Variants in FANCB observed in about 807,000 individuals in gnomAD.
FANCB encodes the protein Fanconi anemia group B protein.
In FANCB, 5 loss-of-function variants were observed where a neutral mutation model predicts 38.9. The ratio of observed to expected loss-of-function variants is 0.13; its 90% CI spans 0.07 to 0.27. The LOEUF (loss-of-function observed/expected upper bound fraction) is 0.27, where lower values mean the gene tolerates loss of function less well. Ranked by LOEUF, FANCB falls within the 10% of genes least tolerant of loss-of-function variation. The pLI is 1.00. For missense variants in FANCB, 573 were observed against 602.7 expected (o/e 0.95, Z 0.52); for synonymous variants, 236 against 215.4 (o/e 1.10, Z -0.84).
chrX:14,755,733 G>C, the FANCB span, among the ~76,000 whole-genome samples: 1 of 110,958 alleles, frequency 9.0e-6, no homozygotes, highest in South Asian at 3.8e-4. Flanking sequence ...TACCCATAGT[G>C]ATCTATGGAT....
the FANCB span, among the ~76,000 whole-genome samples, chrX:14,764,247 C>T: frequency 9.0e-6 from 1 of 110,925 alleles, no homozygotes. Context: ...GTCTATCTTT[C>T]CATACTGTTC....
chrX:14,811,649 G>A, the FANCB span, among the ~76,000 whole-genome samples: 1 of 111,807 alleles, frequency 8.9e-6, no homozygotes, highest in African/African-American at 3.3e-5. Flanking sequence ...CAATACAGGA[G>A]CACCCAGATT....
chrX:14,791,457 A>G, the FANCB span, among the ~76,000 whole-genome samples: 2 of 111,962 alleles, frequency 1.8e-5, no homozygotes, highest in African/African-American at 6.5e-5. Flanking sequence ...TTGGATGTCC[A>G]GCTTCCAGAC....
At chrX:14,814,213 A>G in the FANCB span, among the ~76,000 whole-genome samples, 1 of 112,091 alleles carries the variant, frequency 8.9e-6, no homozygotes, top group East Asian at 2.8e-4. Context: ...ACCTAAAACC[A>G]TAAAAACCCT....
chrX:14,721,656 T>C, the FANCB span, among the ~76,000 whole-genome samples: 1 of 111,454 alleles, frequency 9.0e-6, no homozygotes, highest in East Asian at 2.8e-4. Flanking sequence ...AGTCCCACCC[T>C]GTATATGATT....
chrX:14,696,732 T>A, the FANCB span, among the ~76,000 whole-genome samples: 1 of 111,831 alleles, frequency 8.9e-6, no homozygotes, highest in Middle Eastern at 4.7e-3. Flanking sequence ...GAAAAAGATA[T>A]GGTTTGGGCA....
chrX:14,777,031 G>C, the FANCB span, among the ~76,000 whole-genome samples: 1 of 111,897 alleles, frequency 8.9e-6, no homozygotes, highest in African/African-American at 3.3e-5. Context: ...GTGCCTAGAG[G>C]GGAACAGTGG....
chrX:14,788,307 G>T, the FANCB span, among the ~76,000 whole-genome samples: 2 of 111,649 alleles, frequency 1.8e-5, no homozygotes, highest in African/African-American at 6.5e-5. Flanking sequence ...AAGGTTATTG[G>T]AATCTAAAGG....
the FANCB span, chrX:14,730,707 A>G: frequency 9.7e-5 from 38 of 391,974 alleles, no homozygotes; most frequent in Non-Finnish European, 1.8e-5. Flanking sequence ...ACGGGAGCAT[A>G]ATAATTCCCT....
the FANCB span, among the ~76,000 whole-genome samples, chrX:14,724,119 C>G: frequency 3.2e-4 from 36 of 111,504 alleles, 1 homozygote; most frequent in South Asian, 0.013. Flanking sequence ...CCATCATTAT[C>G]TGTGTGTGTC....
At chrX:14,705,547 C>T in the FANCB span, among the ~76,000 whole-genome samples, 1 of 112,048 alleles carries the variant, frequency 8.9e-6, no homozygotes, top group African/African-American at 3.2e-5. Context: ...ATGCTGTGCA[C>T]ACAGAGGACT....
intron 5 of FANCB, among the ~76,000 whole-genome samples, chrX:14,855,056 T>G (rs1010227859): frequency 1.3e-4 from 14 of 111,914 alleles, no homozygotes; most frequent in African/African-American, 4.2e-4. Context: ...TTCCATCATA[T>G]GACTACCCAC....
At chrX:14,713,115 A>G in the FANCB span, among the ~76,000 whole-genome samples, 1 of 112,119 alleles carries the variant, frequency 8.9e-6, no homozygotes, top group Non-Finnish European at 1.9e-5. Flanking sequence ...GAAGCACGAT[A>G]AAGATCTAGA....
At chrX:14,817,615 A>G in the FANCB span, among the ~76,000 whole-genome samples, 1 of 110,837 alleles carries the variant, frequency 9.0e-6, no homozygotes, top group Non-Finnish European at 1.9e-5. Flanking sequence ...CACCACAATA[A>G]CCCCCTAGCT....
the FANCB span, among the ~76,000 whole-genome samples, chrX:14,812,433 A>T: frequency 8.9e-6 from 1 of 112,196 alleles, no homozygotes; most frequent in African/African-American, 3.2e-5. Flanking sequence ...CTAATAAAGA[A>T]GAAAAGAGAG....
the FANCB span, among the ~76,000 whole-genome samples, chrX:14,821,662 G>C: frequency 9.0e-6 from 1 of 110,881 alleles, no homozygotes; most frequent in Non-Finnish European, 1.9e-5. Flanking sequence ...ATTCACAAGG[G>C]GCTTTTCTTA....
chrX:14,798,870 C>T, the FANCB span, among the ~76,000 whole-genome samples: 9 of 111,793 alleles, frequency 8.1e-5, no homozygotes, highest in East Asian at 1.7e-3. Flanking sequence ...AGCAGTTTCA[C>T]ATGACAAAAA....
chrX:14,844,779 C>A, intron 8 of FANCB, 39 bp from the exon 9 acceptor site: 1 of 1,155,426 alleles, frequency 8.7e-7, no homozygotes, highest in Non-Finnish European at 1.2e-6. Flanking sequence ...TAAACTCTGC[C>A]CATTATCAGA....
At chrX:14,722,310 T>G in the FANCB span, among the ~76,000 whole-genome samples, 7 of 111,285 alleles carry the variant, frequency 6.3e-5, no homozygotes, top group African/African-American at 2.0e-4. Context: ...CTCACAGGGC[T>G]TTTCCATGTG....
Sources: gnomAD v4.1 joint callset for allele counts (sites outside exome capture counted in the v4.1 genomes callset) on GRCh38, gnomAD v4.1.1 for gene constraint, MANE v1.5 for transcripts, NCBI Gene and HGNC (gene_info 2026-07-23, HGNC 2026-07-21) for gene names.